The following SAMD5 variants were observed in gnomAD, a reference collection of about 807,000 sequenced individuals.
SAMD5 encodes sterile alpha motif domain containing 5, also known as sterile alpha motif domain-containing protein 5.
In SAMD5, 13 loss-of-function variants were observed where a neutral mutation model predicts 11.3. That is an observed-to-expected ratio of 1.15 (90% CI 0.75 to 1.83). The LOEUF (loss-of-function observed/expected upper bound fraction) is 1.83, where lower values mean the gene tolerates loss of function less well. SAMD5 is among the 40% of genes most tolerant of loss of function. SAMD5 has a pLI of 0.00. For synonymous variants in SAMD5, 129 were observed against 111.3 expected (o/e 1.16, Z -1.00); for missense variants, 255 against 239.1 (o/e 1.07, Z -0.44).
the SAMD5 span, among the ~76,000 whole-genome samples, chr6:147,898,508 A>G: frequency 6.6e-6 from 1 of 152,218 alleles, no homozygotes; most frequent in East Asian, 1.9e-4. Flanking sequence ...TACTAGATTC[A>G]CCAGCAACCT....
the SAMD5 span, among the ~76,000 whole-genome samples, chr6:147,936,813 C>A: frequency 6.6e-6 from 1 of 151,952 alleles, no homozygotes; most frequent in Non-Finnish European, 1.5e-5. Context: ...GCTTTCATGC[C>A]AAAAGAAGTT....
chr6:147,768,171 C>G, the SAMD5 span, among the ~76,000 whole-genome samples: 109 of 152,236 alleles, frequency 7.2e-4, 1 homozygote, highest in African/African-American at 2.5e-3. Flanking sequence ...TACCAATCTT[C>G]AACACTGACA....
intron 1 of SAMD5, among the ~76,000 whole-genome samples, chr6:147,622,865 A>G (rs1280810078): frequency 3.9e-5 from 6 of 152,204 alleles, no homozygotes; most frequent in Non-Finnish European, 8.8e-5. Context: ...CGGAAGGTGA[A>G]AGGCACATCT....
At chr6:147,871,755 G>A in the SAMD5 span, among the ~76,000 whole-genome samples, 1 of 152,160 alleles carries the variant, frequency 6.6e-6, no homozygotes. Context: ...ATTAGGAAAA[G>A]GCATGTTTGA....
At chr6:147,851,223 C>T in the SAMD5 span, among the ~76,000 whole-genome samples, 4 of 152,134 alleles carry the variant, frequency 2.6e-5, no homozygotes, top group South Asian at 2.1e-4. Flanking sequence ...GGATTACAGG[C>T]GTGAGCCACT....
chr6:147,681,779 G>A (rs1474849538), intron 1 of SAMD5, among the ~76,000 whole-genome samples: 2 of 152,062 alleles, frequency 1.3e-5, no homozygotes, highest in Non-Finnish European at 2.9e-5. Context: ...GTTTATTCTA[G>A]GGCTAATTTT....
At chr6:147,928,328 C>G in the SAMD5 span, among the ~76,000 whole-genome samples, 1 of 152,136 alleles carries the variant, frequency 6.6e-6, no homozygotes, top group African/African-American at 2.4e-5. Flanking sequence ...CTAGTTATTA[C>G]TGATTCAATT....
At chr6:147,674,653 G>A (rs1790839289) in intron 1 of SAMD5, among the ~76,000 whole-genome samples, 1 of 152,218 alleles carries the variant, frequency 6.6e-6, no homozygotes, top group South Asian at 2.1e-4. Context: ...GTGGATTGGA[G>A]TGGATTCTGC....
intron 1 of SAMD5, among the ~76,000 whole-genome samples, chr6:147,620,735 C>G (rs1486981129): frequency 6.6e-6 from 1 of 152,154 alleles, no homozygotes; most frequent in Non-Finnish European, 1.5e-5. Flanking sequence ...AAGGACGTGG[C>G]TGGCTTGGAG....
intron 1 of SAMD5, among the ~76,000 whole-genome samples, chr6:147,673,831 G>A (rs1790828759): frequency 6.6e-6 from 1 of 152,034 alleles, no homozygotes; most frequent in Admixed American, 6.5e-5. Context: ...GGAAAAGGAG[G>A]GTTTAATCTA....
At chr6:147,877,847 TACACACACACACAC>T in the SAMD5 span, among the ~76,000 whole-genome samples, 4 of 113,076 alleles carry the variant, frequency 3.5e-5, no homozygotes, top group African/African-American at 1.4e-4. Context: ...TTTATATAAA[TACACACACACACAC>T]ACACACACAC....
chr6:147,724,226 C>T (rs1791594917), intron 1 of SAMD5, among the ~76,000 whole-genome samples: 4 of 152,174 alleles, frequency 2.6e-5, no homozygotes, highest in Admixed American at 2.6e-4. Context: ...CTCAACGGTT[C>T]AAGCGATTCT....
chr6:147,529,215 A>T (rs560870552), intron 1 of SAMD5, among the ~76,000 whole-genome samples: 49 of 152,344 alleles, frequency 3.2e-4, no homozygotes, highest in African/African-American at 1.2e-3. Context: ...ACTACTAGGG[A>T]AATATTAGTA....
At chr6:147,720,960 G>T in intron 1 of SAMD5, among the ~76,000 whole-genome samples, 1 of 128,488 alleles carries the variant, frequency 7.8e-6, no homozygotes, top group East Asian at 2.4e-4. Flanking sequence ...TTGGTTTTTT[G>T]TTCTTGTGAT....
intron 1 of SAMD5, among the ~76,000 whole-genome samples, chr6:147,620,877 G>C (rs140755080): frequency 6.6e-6 from 1 of 152,226 alleles, no homozygotes; most frequent in Non-Finnish European, 1.5e-5. Context: ...TTAGAAGGGA[G>C]ACAAAGTTAG....
At chr6:147,915,561 A>T in the SAMD5 span, among the ~76,000 whole-genome samples, 1 of 152,202 alleles carries the variant, frequency 6.6e-6, no homozygotes, top group African/African-American at 2.4e-5. Flanking sequence ...TCTCTTGAGG[A>T]TAAGCCATTG....
chr6:147,550,144 G>A (rs1209164184), intron 1 of SAMD5, among the ~76,000 whole-genome samples: 7 of 152,014 alleles, frequency 4.6e-5, no homozygotes, highest in African/African-American at 1.7e-4. Flanking sequence ...TTGGGAGGCT[G>A]AAGAAAAAGG....
chr6:147,795,294 CTA>C, the SAMD5 span, among the ~76,000 whole-genome samples: 1 of 145,376 alleles, frequency 6.9e-6, no homozygotes, highest in Middle Eastern at 3.2e-3. Flanking sequence ...CAATTCCCAC[CTA>C]TGAGTGAGAA....
At chr6:147,688,486 G>C (rs550666708) in intron 1 of SAMD5, among the ~76,000 whole-genome samples, 4 of 152,282 alleles carry the variant, frequency 2.6e-5, no homozygotes, top group Admixed American at 2.6e-4. Context: ...GAGTTGATTT[G>C]AAATTTGGTT....
Sources: allele counts gnomAD v4.1 joint callset (sites outside exome capture counted in the v4.1 genomes callset), GRCh38; gene constraint gnomAD v4.1.1; transcripts MANE v1.5; gene names NCBI Gene and HGNC (gene_info 2026-07-23, HGNC 2026-07-21).